The following GATAD2B variants were observed in gnomAD, a reference collection of about 807,000 sequenced individuals.
GATAD2B encodes the protein GATA zinc finger domain containing 2B, also known as transcriptional repressor p66-beta.
A neutral mutation model predicts 64.3 loss-of-function variants in GATAD2B; 8 were observed. The observed-to-expected ratio is 0.12, with a 90% CI of 0.07 to 0.22. The LOEUF (loss-of-function observed/expected upper bound fraction) is 0.22, where lower values mean the gene tolerates loss of function less well. Ranked by LOEUF, GATAD2B falls within the 10% of genes least tolerant of loss-of-function variation. The pLI is 1.00. For synonymous variants in GATAD2B, 281 were observed against 271.3 expected (o/e 1.04, Z -0.35); for missense variants, 453 against 752.0 (o/e 0.60, Z 4.65).
chr1:153,813,169 C>T, intron 8 of GATAD2B, 81 bp downstream of exon 8: 5 of 1,020,170 alleles, frequency 4.9e-6, no homozygotes, highest in Non-Finnish European at 7.7e-6. Context: ...ATCACATGAA[C>T]CACTCCTGCA....
At chr1:153,820,808 TTTG>T (rs1162065749) in intron 2 of GATAD2B, among the ~76,000 whole-genome samples, 3 of 151,850 alleles carry the variant, frequency 2.0e-5, no homozygotes, top group Admixed American at 6.6e-5. Flanking sequence ...TTTTGTACTT[TTTG>T]TAGAGACAGG....
At chr1:153,901,542 C>T (rs911342279) in intron 1 of GATAD2B, among the ~76,000 whole-genome samples, 7 of 151,936 alleles carry the variant, frequency 4.6e-5, no homozygotes, top group African/African-American at 1.7e-4. Context: ...TTAAAATGTC[C>T]AACTGCGCCC....
intron 1 of GATAD2B, among the ~76,000 whole-genome samples, chr1:153,893,955 T>TAAAAAA (rs57287798): frequency 2.9e-5 from 2 of 68,632 alleles, no homozygotes; most frequent in Non-Finnish European, 4.9e-5. Flanking sequence ...AGACTCCATC[T>TAAAAAA]AAAAAAAAAA....
intron 2 of GATAD2B, among the ~76,000 whole-genome samples, chr1:153,825,339 A>G (rs1461158466): frequency 2.6e-5 from 4 of 152,186 alleles, no homozygotes; most frequent in African/African-American, 9.6e-5. Flanking sequence ...GGCACTACCT[A>G]TAACTTACAA....
chr1:153,876,314 C>T (rs1034832302), intron 1 of GATAD2B, among the ~76,000 whole-genome samples: 3 of 147,742 alleles, frequency 2.0e-5, no homozygotes, highest in Non-Finnish European at 4.5e-5. Flanking sequence ...ACTGTCTTAC[C>T]TGAGTCAATG....
intron 1 of GATAD2B, among the ~76,000 whole-genome samples, chr1:153,922,314 AGAGAG>A (rs1177912762): frequency 2.9e-5 from 4 of 140,208 alleles, no homozygotes; most frequent in Non-Finnish European, 6.2e-5. Flanking sequence ...GGGGCGCGCT[AGAGAG>A]GAAAGGAGGG....
intron 2 of GATAD2B, among the ~76,000 whole-genome samples, chr1:153,827,140 G>A (rs918218574): frequency 6.6e-6 from 1 of 151,092 alleles, no homozygotes; most frequent in African/African-American, 2.4e-5. Context: ...AGCTACTCAA[G>A]GGGGGTGGGG....
intron 1 of GATAD2B, among the ~76,000 whole-genome samples, chr1:153,851,776 G>A (rs1037960308): frequency 5.9e-5 from 9 of 152,214 alleles, no homozygotes; most frequent in Non-Finnish European, 8.8e-5. Context: ...ACCCCAGCCC[G>A]CATGAAGATG....
At chr1:153,874,372 G>C (rs975288734) in intron 1 of GATAD2B, among the ~76,000 whole-genome samples, 3 of 152,054 alleles carry the variant, frequency 2.0e-5, no homozygotes, top group African/African-American at 4.8e-5. Context: ...CTACTATGAA[G>C]TGCCCCTAAG....
chr1:153,840,320 C>T (rs1675434991), intron 1 of GATAD2B, among the ~76,000 whole-genome samples: 1 of 149,700 alleles, frequency 6.7e-6, no homozygotes, highest in Non-Finnish European at 1.5e-5. Context: ...CAGGCATGAG[C>T]CACTGCGCCC....
At chr1:153,870,912 G>T (rs982001635) in intron 1 of GATAD2B, among the ~76,000 whole-genome samples, 4 of 151,824 alleles carry the variant, frequency 2.6e-5, no homozygotes, top group Admixed American at 6.6e-5. Context: ...CTAGAGAGAG[G>T]TTTTTTTTGT....
chr1:153,896,285 A>T (rs1677592248), intron 1 of GATAD2B, among the ~76,000 whole-genome samples: 2 of 152,162 alleles, frequency 1.3e-5, no homozygotes, highest in African/African-American at 4.8e-5. Flanking sequence ...GCCTATCCTG[A>T]ATCAAAAGCA....
At chr1:153,917,125 G>A (rs571850877) in intron 1 of GATAD2B, among the ~76,000 whole-genome samples, 6 of 148,700 alleles carry the variant, frequency 4.0e-5, no homozygotes, top group African/African-American at 1.5e-4. Flanking sequence ...TTGAAACTGA[G>A]TCACACGCTG....
chr1:153,901,965 T>TCA (rs1293342956), intron 1 of GATAD2B, among the ~76,000 whole-genome samples: 3 of 123,912 alleles, frequency 2.4e-5, no homozygotes, highest in Non-Finnish European at 3.2e-5. Context: ...CAGGGGCCAA[T>TCA]CAGACTCCGT....
intron 2 of GATAD2B, among the ~76,000 whole-genome samples, chr1:153,827,149 G>T (rs984014255): frequency 5.3e-5 from 8 of 150,722 alleles, no homozygotes; most frequent in African/African-American, 2.0e-4. Flanking sequence ...AGGGGGGTGG[G>T]GTGTGGGTTG....
At chr1:153,813,514 C>T in intron 7 of GATAD2B, 62 bp from the exon 8 acceptor site, 2 of 1,098,046 alleles carry the variant, frequency 1.8e-6, no homozygotes, top group Non-Finnish European at 2.8e-6. Context: ...TTCTCTTAAT[C>T]AAATAGATCT....
At chr1:153,921,625 C>T (rs751705088) in intron 1 of GATAD2B, among the ~76,000 whole-genome samples, 2 of 152,018 alleles carry the variant, frequency 1.3e-5, no homozygotes, top group African/African-American at 2.4e-5. Flanking sequence ...CACACGCCCC[C>T]CAAATAAGCA....
At chr1:153,863,264 T>C (rs1274345302) in intron 1 of GATAD2B, among the ~76,000 whole-genome samples, 10 of 152,100 alleles carry the variant, frequency 6.6e-5, no homozygotes, top group Non-Finnish European at 1.3e-4. Flanking sequence ...GTGGATCACC[T>C]GAGGTCAGGA....
chr1:153,893,019 GAAGAAAATATTC>G (rs1396707761), intron 1 of GATAD2B, among the ~76,000 whole-genome samples: 1 of 151,916 alleles, frequency 6.6e-6, no homozygotes, highest in African/African-American at 2.4e-5. Context: ...TGAAATGAGG[GAAGAAAATATTC>G]ATGCAGAGGA....
Sources: gnomAD v4.1 joint callset for allele counts (sites outside exome capture counted in the v4.1 genomes callset) on GRCh38, gnomAD v4.1.1 for gene constraint, MANE v1.5 for transcripts, NCBI Gene and HGNC (gene_info 2026-07-23, HGNC 2026-07-21) for gene names.